Variants in PHACTR2 observed in about 807,000 individuals in gnomAD.
The protein encoded by PHACTR2 is phosphatase and actin regulator 2, also known as chromosome 6 open reading frame 56.
In PHACTR2, 30 loss-of-function variants were observed where a neutral mutation model predicts 76.0. That is an observed-to-expected ratio of 0.39 (90% CI 0.30 to 0.54). The LOEUF (loss-of-function observed/expected upper bound fraction) is 0.54, where lower values mean the gene tolerates loss of function less well. Among genes scored for constraint, PHACTR2 ranks in the 20% least tolerant of loss-of-function variants. The pLI is 0.61. For missense variants in PHACTR2, 696 were observed against 781.1 expected (o/e 0.89, Z 1.30); for synonymous variants, 292 against 292.5 (o/e 1.00, Z 0.02).
chr6:143,733,483 A>G lies in PHACTR2; in HGVS notation c.215-15502A>G, dbSNP rs1309479561. Among the ~76,000 whole-genome samples the G allele has an allele frequency of 2.0e-5, 3 of 152,132 alleles. No homozygotes were observed. Among genetic ancestry groups the G allele is most frequent in the Non-Finnish European group, 4.4e-5 (3 of 68,002 alleles). ...CCATCCTATATATGGAGCATTTGCAAGTGAATCTTTTCGATTTGGAAAGTG... is the reference window on the plus strand; with the variant it reads ...CCATCCTATATATGGAGCATTTGCAGGTGAATCTTTTCGATTTGGAAAGTG... On this transcript the variant is annotated intron_variant, in intron 2 of 12. Coordinates refer to ENST00000440869, the MANE Select transcript of PHACTR2 (RefSeq NM_001100164.2). This position sits in a 1 kb window ranked among gnomAD's most constrained non-coding sequence, Gnocchi z 4.0.
At position 143,750,965 on chromosome 6, in the gene PHACTR2, T is replaced by G. The variant is rs1779170672; in HGVS notation, c.295+1900T>G. 1.3e-5 allele frequency among the ~76,000 whole-genome samples: 2 copies of G among 152,214 alleles called. No homozygotes were observed. Among genetic ancestry groups the G allele is most frequent in the African/African-American group, 4.8e-5 (2 of 41,466 alleles). ...GGTTGAAGGTTCCTGAGGATGTCAG[T>G]AGTAAATGGAGTCCTTCCCCTTTTC... On this transcript the variant is annotated intron_variant, in intron 3 of 12. Transcript: ENST00000440869. This position sits in a 1 kb window ranked among gnomAD's most constrained non-coding sequence, Gnocchi z 4.6.
Position 143,612,000 on chromosome 6 carries a change from T to A in PHACTR2, c.13+3678T>A, listed in dbSNP as rs1300719737. ...TAGTCCTGCACTACTGAACACAAGA[T>A]GAGTTTTCAGAGAAAGACAGTGAGT... On this transcript the variant is annotated intron_variant, in intron 1 of 11. Coordinates refer to the PHACTR2 transcript ENST00000305766. The surrounding 1 kb of genome is among the most constrained non-coding windows in gnomAD (Gnocchi z 4.4). Among the ~76,000 whole-genome samples the A allele has an allele frequency of 1.3e-5, 2 of 152,182 alleles. No individual in the cohort carries two copies. Among genetic ancestry groups the A allele is most frequent in the African/African-American group, 4.8e-5 (2 of 41,430 alleles).
chr6:143,686,377 C>T (rs992012469), intron 1 of PHACTR2, among the ~76,000 whole-genome samples: 18 of 150,152 alleles, frequency 1.2e-4, no homozygotes, highest in Admixed American at 6.6e-4. Flanking sequence ...TGATAAATAA[C>T]ATCAACATGT....
Position 143,610,596 on chromosome 6 carries a change from G to A in PHACTR2, c.13+2274G>A, listed in dbSNP as rs557050531. On this transcript the variant is annotated intron_variant, in intron 1 of 11. Coordinates refer to the PHACTR2 transcript ENST00000305766. This position sits in a 1 kb window ranked among gnomAD's most constrained non-coding sequence, Gnocchi z 4.9. ...ATTTATTCAAGTCACATAGAACGCTGCATCAGGATATTTGTGCATGGTTTC... is the reference window on the plus strand; with the variant it reads ...ATTTATTCAAGTCACATAGAACGCTACATCAGGATATTTGTGCATGGTTTC... 2.3e-4 allele frequency among the ~76,000 whole-genome samples: 35 copies of A among 152,316 alleles called. No individual in the cohort carries two copies. The highest frequency in any genetic ancestry group is 4.1e-4 in the South Asian group (2 of 4,824).
Position 143,562,762 on chromosome 6 carries a change from G to A in PHACTR2, c.217+25555G>A, listed in dbSNP as rs1775299400. The stretch of plus-strand genomic sequence containing the variant: ...CACAGTTATTCCTAAAAGGTAATGA[G>A]TAGTTGAATTAACAAAATATGGTAT... On this transcript the variant is annotated intron_variant, in intron 1 of 11. Transcript: ENST00000367584. This position sits in a 1 kb window ranked among gnomAD's most constrained non-coding sequence, Gnocchi z 5.1. Among the ~76,000 whole-genome samples, 1 of 152,192 alleles carries A rather than the reference G, an allele frequency of 6.6e-6. No individual in the cohort carries two copies. Among genetic ancestry groups the A allele is most frequent in the Non-Finnish European group, 1.5e-5 (1 of 68,032 alleles).
chr6:143,725,196 G>T (rs1022285093), intron 2 of PHACTR2, among the ~76,000 whole-genome samples: 9 of 115,576 alleles, frequency 7.8e-5, no homozygotes, highest in Admixed American at 1.9e-4. Context: ...CCTTTGTGCT[G>T]TCTTTTTTTT....
rs902149791 is a variant in PHACTR2, at chr6:143,639,797, G to C, written c.13+31475G>C. Among the ~76,000 whole-genome samples, 1 of 152,170 alleles carries C rather than the reference G, an allele frequency of 6.6e-6. No individual in the cohort carries two copies. Among genetic ancestry groups the C allele is most frequent in the African/African-American group, 2.4e-5 (1 of 41,434 alleles). On this transcript the variant is annotated intron_variant, in intron 1 of 11. Coordinates refer to the PHACTR2 transcript ENST00000305766. This position sits in a 1 kb window ranked among gnomAD's most constrained non-coding sequence, Gnocchi z 5.0. ...ATTGACTATTTACACAGTCACAAAA[G>C]AAGTTTTAAGAACCACTGAAGGGTG... is the stretch of plus-strand genomic sequence containing the variant.
intron 11 of PHACTR2, among the ~76,000 whole-genome samples, chr6:143,802,047 G>A (rs555732686): frequency 7.9e-4 from 120 of 152,250 alleles, no homozygotes; most frequent in Middle Eastern, 3.4e-3. Context: ...CCGGCATAAC[G>A]CCTGAGCTGA....
rs1348631522 is a variant in PHACTR2 at position 143,547,723 on chromosome 6, CAGCCATTAACCGGGA to C, written c.217+10519_217+10533del. Among the ~76,000 whole-genome samples the C allele has an allele frequency of 6.6e-6, 1 of 152,198 alleles. No individual in the cohort carries two copies. Among genetic ancestry groups the C allele is most frequent in the Non-Finnish European group, 1.5e-5 (1 of 68,046 alleles). On this transcript the variant is annotated intron_variant, in intron 1 of 11. Coordinates refer to the PHACTR2 transcript ENST00000367584. The surrounding 1 kb of genome is among the most constrained non-coding windows in gnomAD (Gnocchi z 4.2). ...TTGTTTGTCTATTTGTTAACAAGAG[CAGCCATTAACCGGGA>C]AGGAGAGTGTGGCTTCATGATACCT...
In PHACTR2 at chr6:143,548,677, A is replaced by G. The variant is rs1240026597; in HGVS notation, c.217+11470A>G. Among the ~76,000 whole-genome samples, 2 of 152,002 alleles carry G rather than the reference A, an allele frequency of 1.3e-5. No homozygotes were observed. The highest frequency in any genetic ancestry group is 4.8e-5 in the African/African-American group (2 of 41,418). On this transcript the variant is annotated intron_variant, in intron 1 of 11. Transcript: ENST00000367584. This position sits in a 1 kb window ranked among gnomAD's most constrained non-coding sequence, Gnocchi z 4.5. ...GAGAGGTGGGGGACTGGGAAAACAC[A>G]ACAAAAGCATTCATTACCTCCTTGT...
rs1775079719 is a variant in PHACTR2, at chr6:143,550,355, A to G, written c.217+13148A>G. On this transcript the variant is annotated intron_variant, in intron 1 of 11. Coordinates refer to the PHACTR2 transcript ENST00000367584. The surrounding 1 kb of genome is among the most constrained non-coding windows in gnomAD (Gnocchi z 4.8). Reference sequence around the variant, plus strand: ...TGGAGAGCTTTTAATGGGCCTGTCAACTATTTTAAGGACTGATTCCTTATA... The same window carrying G: ...TGGAGAGCTTTTAATGGGCCTGTCAGCTATTTTAAGGACTGATTCCTTATA... Among the ~76,000 whole-genome samples, 1 of 151,996 alleles carries G rather than the reference A, an allele frequency of 6.6e-6. No homozygotes were observed. Among genetic ancestry groups the G allele is most frequent in the Admixed American group, 6.6e-5 (1 of 15,250 alleles).
rs1355223451 is a variant in PHACTR2, at chr6:143,800,835, G to A, written c.1846-6222G>A. On this transcript the variant is annotated intron_variant, in intron 11 of 12. Coordinates refer to ENST00000440869, the MANE Select transcript of PHACTR2 (RefSeq NM_001100164.2). This position sits in a 1 kb window ranked among gnomAD's most constrained non-coding sequence, Gnocchi z 4.8. ...GCATGTTTTTGCAGTGGCTGGGACT[G>A]GTTGTTCCTTTCCACGTTTAGTGCT... is the stretch of plus-strand genomic sequence containing the variant. 2.6e-5 allele frequency among the ~76,000 whole-genome samples: 4 copies of A among 152,192 alleles called. No individual in the cohort carries two copies. The highest frequency in any genetic ancestry group is 3.8e-4 in the East Asian group (2 of 5,200).
chr6:143,712,633 G>A (rs774744539), intron 2 of PHACTR2, among the ~76,000 whole-genome samples: 1 of 151,650 alleles, frequency 6.6e-6, no homozygotes, highest in African/African-American at 2.4e-5. Context: ...TAATGTTAAC[G>A]GTCTTGTTCG....
upstream of PHACTR2, among the ~76,000 whole-genome samples, chr6:143,673,880 GA>G (rs1190612952): frequency 2.0e-5 from 3 of 152,088 alleles, no homozygotes; most frequent in East Asian, 5.9e-4. Flanking sequence ...TGAGCAAGCA[GA>G]AGAAGGAAAA....
intron 12 of PHACTR2, among the ~76,000 whole-genome samples, chr6:143,817,716 C>G (rs1326324443): frequency 6.6e-6 from 1 of 152,116 alleles, no homozygotes; most frequent in Non-Finnish European, 1.5e-5. Flanking sequence ...ATGGATGAAC[C>G]TGGAGGATAT....
At chr6:143,771,132 A>G (rs1236274261) in intron 6 of PHACTR2, among the ~76,000 whole-genome samples, 1 of 38,084 alleles carries the variant, frequency 2.6e-5, no homozygotes, top group Non-Finnish European at 5.4e-5. Flanking sequence ...TGTACTTTAC[A>G]TATATATATA....
rs1377406860 is a variant in PHACTR2 at position 143,818,060 on chromosome 6, C to T, written c.1923-5614C>T. ...TTGATTTGCTAGTTTGATCATTACACATTTTATGCCATCAAAATATCACTC... is the reference window on the plus strand; with the variant it reads ...TTGATTTGCTAGTTTGATCATTACATATTTTATGCCATCAAAATATCACTC... On this transcript the variant is annotated intron_variant, in intron 12 of 12. Coordinates refer to ENST00000440869, the MANE Select transcript of PHACTR2 (RefSeq NM_001100164.2). The surrounding 1 kb of genome is among the most constrained non-coding windows in gnomAD (Gnocchi z 4.9). 6.6e-6 allele frequency among the ~76,000 whole-genome samples: 1 copy of T among 152,158 alleles called. No individual in the cohort carries two copies.
chr6:143,698,664 C>G lies in PHACTR2; in HGVS notation c.47-13352C>G, dbSNP rs1777828704. 1.3e-5 allele frequency among the ~76,000 whole-genome samples: 2 copies of G among 152,224 alleles called. No homozygotes were observed. Among genetic ancestry groups the G allele is most frequent in the Admixed American group, 6.5e-5 (1 of 15,290 alleles). ...TCTGGGGTCCCCCACATTTCCTACTCACTACACACTGCAGGTCTACGTTTG... is the reference window on the plus strand; with the variant it reads ...TCTGGGGTCCCCCACATTTCCTACTGACTACACACTGCAGGTCTACGTTTG... On this transcript the variant is annotated intron_variant, in intron 1 of 12. Transcript: ENST00000440869. This position sits in a 1 kb window ranked among gnomAD's most constrained non-coding sequence, Gnocchi z 4.3.
intron 2 of PHACTR2, among the ~76,000 whole-genome samples, chr6:143,732,444 C>T (rs559195777): frequency 2.4e-4 from 36 of 152,260 alleles, no homozygotes; most frequent in African/African-American, 7.5e-4. Context: ...TATGTTGTAG[C>T]GTGTATCAGT....
Sources: allele counts gnomAD v4.1 joint callset (sites outside exome capture counted in the v4.1 genomes callset), GRCh38; gene constraint gnomAD v4.1.1; non-coding constraint Gnocchi (gnomAD v3.1); transcripts MANE v1.5; gene names NCBI Gene and HGNC (gene_info 2026-07-23, HGNC 2026-07-21).